Variants in CDKL5 observed in about 807,000 individuals in gnomAD.
The protein encoded by CDKL5 is cyclin dependent kinase like 5.
CDKL5 carries 8 observed loss-of-function variants against 61.7 expected under a neutral mutation model. That is an observed-to-expected ratio of 0.13 (90% CI 0.08 to 0.23). The LOEUF (loss-of-function observed/expected upper bound fraction) is 0.23. CDKL5 is among the 10% of genes least tolerant of loss of function. The pLI is 1.00. For missense variants in CDKL5, 440 were observed against 734.5 expected, an observed-to-expected ratio of 0.60 and a Z score of 4.63; for synonymous variants, 275 against 272.3, an observed-to-expected ratio of 1.01 and a Z score of -0.10.
At position 18,616,767 on chromosome X, in the gene CDKL5, C is replaced by T. The variant is rs192191730; in HGVS notation, c.2277-3100C>T. Among the ~76,000 whole-genome samples, 509 of 111,812 alleles carry T rather than the reference C, an allele frequency of 4.6e-3. 4 individuals carry two copies. Among genetic ancestry groups the T allele is most frequent in the African/African-American group, 0.014 (442 of 30,755 alleles). On this transcript the variant is annotated intron_variant, in intron 15 of 17. Coordinates refer to ENST00000623535, the MANE Select transcript of CDKL5 (RefSeq NM_001323289.2). ...TCATCATAACTTTCAGAGTTACTCC[C>T]GTAGAATTATTCACTGACTCTCTCT...
Position 18,551,734 on chromosome X carries a change from C to T in CDKL5, c.100-12743C>T, listed in dbSNP as rs373330613. Among the ~76,000 whole-genome samples the T allele has an allele frequency of 1.0e-4, 11 of 107,165 alleles. No individual in the cohort carries two copies. The East Asian group carries it at 1.5e-3, about 14-fold the overall frequency. 93.1% of individuals were successfully genotyped at this position (107,165 alleles called of 115,157 possible). A position where few individuals can be genotyped will look rare whatever the true frequency, so the allele number is the denominator to read the frequency against. On this transcript the variant is annotated intron_variant, in intron 3 of 17. Transcript: ENST00000623535. The stretch of plus-strand genomic sequence containing the variant: ...CCAGGTAGCTGGGACTATAGGTGTG[C>T]ACCACCACACCCAGCTAATCTTTTG...
intron 1 of CDKL5, among the ~76,000 whole-genome samples, chrX:18,431,374 A>G (rs1931482164): frequency 9.0e-6 from 1 of 110,812 alleles, no homozygotes; most frequent in Non-Finnish European, 1.9e-5. Flanking sequence ...AAGCAGGACC[A>G]TATTTCTACA....
chrX:18,638,342 TAAACA>T lies in CDKL5; in HGVS notation c.*9588_*9592del, dbSNP rs772525613. On this transcript the variant is annotated 3_prime_UTR_variant, in exon 18 of 18. Coordinates refer to ENST00000623535, the MANE Select transcript of CDKL5 (RefSeq NM_001323289.2). ...GTTGTGTATATTTTACCGCAATTTT[TAAACA>T]AACTCCAGTGTAGACCGTGCTCTAG... 1 of 112,544 alleles carries T rather than the reference TAAACA, an allele frequency of 8.9e-6. No individual in the cohort carries two copies. Among genetic ancestry groups the T allele is most frequent in the East Asian group, 2.8e-4 (1 of 3,623 alleles). 9.3% of individuals were successfully genotyped at this position (112,544 alleles called of 1,213,427 possible).
intron 11 of CDKL5, among the ~76,000 whole-genome samples, chrX:18,600,890 G>C (rs1188112078): frequency 8.9e-6 from 1 of 112,015 alleles, no homozygotes; most frequent in Non-Finnish European, 1.9e-5. Flanking sequence ...AGTCTTACAT[G>C]ATTTTTCTAG....
intron 1 of CDKL5, among the ~76,000 whole-genome samples, chrX:18,483,452 C>T (rs1289389464): frequency 1.8e-5 from 2 of 110,238 alleles, no homozygotes; most frequent in African/African-American, 6.6e-5. Flanking sequence ...GAGTCTCGCT[C>T]TGTTGCCCAG....
chrX:18,533,782 A>G (rs903018102), intron 3 of CDKL5, among the ~76,000 whole-genome samples: 2 of 111,502 alleles, frequency 1.8e-5, no homozygotes, highest in African/African-American at 6.5e-5. Context: ...CTCTCTCCAG[A>G]GATTCTCAGG....
chrX:18,497,987 TA>T (rs796962869), intron 1 of CDKL5, among the ~76,000 whole-genome samples: 1,841 of 90,986 alleles, frequency 0.02, 63 homozygotes, highest in Admixed American at 0.13. Context: ...CCCAGCTAAT[TA>T]AAAAAAAAAA....
intron 20 of CDKL5, chrX:18,647,081 A>T: frequency 1.1e-6 from 1 of 914,612 alleles, no homozygotes; most frequent in East Asian, 3.1e-5. Flanking sequence ...CACGCCAGTT[A>T]ATTTTTTGTA....
intron 3 of CDKL5, among the ~76,000 whole-genome samples, chrX:18,512,531 C>CT (rs1922864688): frequency 9.0e-6 from 1 of 111,021 alleles, no homozygotes; most frequent in Non-Finnish European, 1.9e-5. Flanking sequence ...CATGCAATGG[C>CT]TTTTGTATTC....
intron 1 of CDKL5, among the ~76,000 whole-genome samples, chrX:18,454,283 C>G (rs986068804): frequency 4.6e-5 from 5 of 109,393 alleles, no homozygotes; most frequent in African/African-American, 1.7e-4. Flanking sequence ...GTCGCCCAGG[C>G]TGGAGTGCAG....
chrX:18,604,883 C>T lies in CDKL5; in HGVS notation c.1944+15C>T. 8.3e-7 allele frequency: 1 copy of T among 1,210,834 alleles called. No individual in the cohort carries two copies. The highest frequency in any genetic ancestry group is 1.1e-6 in the Non-Finnish European group (1 of 894,941). ...TGTCACCCCAGGTACAGTTGAGCAC[C>T]TTGACTGAATCTGGTGGCCCTTCAG... On this transcript the variant is annotated intron_variant, in intron 12 of 17. Coordinates refer to ENST00000623535, the MANE Select transcript of CDKL5 (RefSeq NM_001323289.2).
chrX:18,604,273 G>T lies in CDKL5; in HGVS notation c.1349G>T (p.Ser450Ile). ...CAGAACCGCCACTCATTCATGGAAAGCTCTCAAAGCAAAGCTGGGACACTG... is the reference window on the plus strand; with the variant it reads ...CAGAACCGCCACTCATTCATGGAAATCTCTCAAAGCAAAGCTGGGACACTG... Reference protein sequence around the residue: ...SQQNRHSFMESSQSKAGTLQP... With the variant: ...SQQNRHSFMEISQSKAGTLQP... The change falls in exon 12 of 18, where the codon AGC (serine) becomes ATC (isoleucine). Residue 450 changes from serine (S) to isoleucine (I), a missense_variant. By Grantham distance (142) the Ser-to-Ile change is moderately radical. Coordinates refer to ENST00000623535, the MANE Select transcript of CDKL5 (RefSeq NM_001323289.2). The T allele has an allele frequency of 8.3e-7, 1 of 1,212,005 alleles. No homozygotes were observed. Among genetic ancestry groups the T allele is most frequent in the South Asian group, 1.8e-5 (1 of 57,007 alleles).
chrX:18,591,585 A>G (rs1198133756), intron 9 of CDKL5, among the ~76,000 whole-genome samples: 8 of 111,654 alleles, frequency 7.2e-5, no homozygotes, highest in Non-Finnish European at 1.1e-4. Context: ...AAGGTTACTG[A>G]TAAAGTTTAA....
At chrX:18,464,901 T>A (rs1385584326) in intron 1 of CDKL5, among the ~76,000 whole-genome samples, 1 of 112,435 alleles carries the variant, frequency 8.9e-6, no homozygotes, top group Non-Finnish European at 1.9e-5. Context: ...TAATATCTGC[T>A]TTGTGGCTGA....
intron 3 of CDKL5, among the ~76,000 whole-genome samples, chrX:18,555,333 T>TGACA (rs1924561825): frequency 1.8e-5 from 2 of 112,249 alleles, no homozygotes; most frequent in African/African-American, 6.5e-5. Flanking sequence ...AGATTGTATT[T>TGACA]TTTTTAAGTG....
intron 1 of CDKL5, among the ~76,000 whole-genome samples, chrX:18,439,045 G>GCCCCCCC (rs367844172): frequency 6.4e-3 from 239 of 37,381 alleles, no homozygotes; most frequent in East Asian, 9.8e-3. Flanking sequence ...GCCCCTTTTT[G>GCCCCCCC]CCCCCCCCCC....
intron 15 of CDKL5, among the ~76,000 whole-genome samples, chrX:18,616,201 A>C (rs772891685): frequency 8.9e-6 from 1 of 112,316 alleles, no homozygotes; most frequent in Non-Finnish European, 1.9e-5. Flanking sequence ...ATAGATCTCT[A>C]TGGAGTGTGT....
At chrX:18,479,314 CTTTTTTT>C (rs761687087) in intron 1 of CDKL5, among the ~76,000 whole-genome samples, 4 of 66,553 alleles carry the variant, frequency 6.0e-5, no homozygotes, top group African/African-American at 1.8e-4. Context: ...GCCACTATTT[CTTTTTTT>C]TTTTTTTTTT....
intron 15 of CDKL5, among the ~76,000 whole-genome samples, chrX:18,617,626 T>G (rs1014709688): frequency 8.9e-6 from 1 of 112,427 alleles, no homozygotes; most frequent in African/African-American, 3.2e-5. Context: ...CTTCCCTTTC[T>G]GTGTTAATTC....
Sources: allele counts gnomAD v4.1 joint callset (sites outside exome capture counted in the v4.1 genomes callset), GRCh38; gene constraint gnomAD v4.1.1; transcripts MANE v1.5; gene names NCBI Gene and HGNC (gene_info 2026-07-23, HGNC 2026-07-21).